Variants in CRADD observed in about 807,000 individuals in gnomAD.
The protein encoded by CRADD is CARD and death domain containing adaptor protein.
A neutral mutation model predicts 15.5 loss-of-function variants in CRADD; 9 were observed. The ratio of observed to expected loss-of-function variants is 0.58; its 90% CI spans 0.35 to 1.01. The LOEUF is 1.01. CRADD is among the 50% of genes least tolerant of loss of function. The pLI, the probability that CRADD is intolerant of heterozygous loss-of-function variation, is 0.02. For synonymous variants in CRADD, 118 were observed against 107.6 expected, an observed-to-expected ratio of 1.10 and a Z score of -0.60; for missense variants, 227 against 250.3, an observed-to-expected ratio of 0.91 and a Z score of 0.63.
At chr12:93,734,934 C>T (rs1329934948) in intron 2 of CRADD, among the ~76,000 whole-genome samples, 1 of 152,180 alleles carries the variant, frequency 6.6e-6, no homozygotes, top group Non-Finnish European at 1.5e-5. Flanking sequence ...AAGGTTAGGT[C>T]CCTGTACCAT....
intron 2 of CRADD, among the ~76,000 whole-genome samples, chr12:93,737,060 T>C (rs1299258426): frequency 6.6e-6 from 1 of 152,194 alleles, no homozygotes; most frequent in African/African-American, 2.4e-5. Flanking sequence ...GAGGAGGCAG[T>C]GATGACTACT....
chr12:93,862,953 T>C (rs943756395), intron 2 of CRADD, among the ~76,000 whole-genome samples: 7 of 152,208 alleles, frequency 4.6e-5, no homozygotes, highest in African/African-American at 1.7e-4. Context: ...GCAAAAAACA[T>C]TGATTTATTC....
intron 2 of CRADD, among the ~76,000 whole-genome samples, chr12:93,817,249 C>G (rs1351842669): frequency 6.6e-6 from 1 of 152,142 alleles, no homozygotes; most frequent in Non-Finnish European, 1.5e-5. Flanking sequence ...AGGTCTCTCC[C>G]CAAGTGGCTC....
intron 2 of CRADD, among the ~76,000 whole-genome samples, chr12:93,779,296 A>G (rs775665357): frequency 6.6e-6 from 1 of 152,202 alleles, no homozygotes; most frequent in Admixed American, 6.5e-5. Flanking sequence ...TATCTAGAAA[A>G]ATTTTTTATT....
chr12:93,769,746 G>A (rs1468406095), intron 2 of CRADD, among the ~76,000 whole-genome samples: 1 of 152,188 alleles, frequency 6.6e-6, no homozygotes, highest in Non-Finnish European at 1.5e-5. Context: ...TGGCTAATGA[G>A]CACATTTTCA....
rs150538944 is a variant in CRADD at position 93,848,721 on chromosome 12, C to A, written c.299-1249C>A. 3.0e-3 allele frequency: 459 copies of A among 151,580 alleles called. 2 individuals are homozygous for A. The highest frequency in any genetic ancestry group is 4.3e-3 in the Non-Finnish European group (290 of 67,972). The allele number at this position is 151,580 out of a possible 1,614,324, so 9.4% of individuals were successfully genotyped here. On this transcript the variant is annotated intron_variant, in intron 2 of 2. Transcript: ENST00000332896. ...CCTCCTCCTAGTGTTCAGGGCTTAGCTTTAGCCTCCTTCCCCTGGAAGGCC... is the reference window on the plus strand; with the variant it reads ...CCTCCTCCTAGTGTTCAGGGCTTAGATTTAGCCTCCTTCCCCTGGAAGGCC...
At chr12:93,717,459 C>T (rs1382265355) in intron 2 of CRADD, among the ~76,000 whole-genome samples, 2 of 152,116 alleles carry the variant, frequency 1.3e-5, no homozygotes, top group East Asian at 1.9e-4. Context: ...CCATAATAAC[C>T]TAGATTTTCT....
At chr12:93,701,878 G>C (rs1955849625) in intron 2 of CRADD, among the ~76,000 whole-genome samples, 1 of 150,752 alleles carries the variant, frequency 6.6e-6, no homozygotes, top group Non-Finnish European at 1.5e-5. Context: ...TCTAATCTCT[G>C]CTTCTCAAAA....
chr12:93,764,971 G>A (rs907200124), intron 2 of CRADD, among the ~76,000 whole-genome samples: 4 of 151,598 alleles, frequency 2.6e-5, no homozygotes, highest in African/African-American at 7.3e-5. Context: ...GAATGAACTC[G>A]AGATAATTAA....
At chr12:93,873,414 T>C (rs1958436279) in intron 2 of CRADD, among the ~76,000 whole-genome samples, 1 of 152,072 alleles carries the variant, frequency 6.6e-6, no homozygotes, top group South Asian at 2.1e-4. Flanking sequence ...CCTCTTGTCT[T>C]ATTGCTGTAG....
At chr12:93,832,322 C>T (rs994818288) in intron 2 of CRADD, among the ~76,000 whole-genome samples, 2 of 152,136 alleles carry the variant, frequency 1.3e-5, no homozygotes, top group African/African-American at 4.8e-5. Flanking sequence ...TGCGTGACAT[C>T]CATACTTTTT....
chr12:93,786,187 C>T (rs1164940308), intron 2 of CRADD, among the ~76,000 whole-genome samples: 2 of 152,112 alleles, frequency 1.3e-5, no homozygotes, highest in Non-Finnish European at 2.9e-5. Context: ...GTTTTAGGCC[C>T]CCTTTGGCTG....
chr12:93,859,188 A>G (rs1160647942), intron 2 of CRADD: 2 of 402,686 alleles, frequency 5.0e-6, no homozygotes, highest in Non-Finnish European at 9.8e-6. Flanking sequence ...CCTGTTTGCT[A>G]TATTTATATT....
chr12:93,774,101 G>C (rs1957117182), intron 2 of CRADD, among the ~76,000 whole-genome samples: 1 of 151,252 alleles, frequency 6.6e-6, no homozygotes. Context: ...CTCCTGAAGT[G>C]CTAGGATTAC....
intron 2 of CRADD, among the ~76,000 whole-genome samples, chr12:93,726,222 G>A (rs2136900738): frequency 6.8e-6 from 1 of 146,986 alleles, no homozygotes; most frequent in Non-Finnish European, 1.5e-5. Context: ...TCCTGTCTCA[G>A]CCTGCCAAGT....
At chr12:93,815,566 A>G (rs922526536) in intron 2 of CRADD, 1 of 152,234 alleles carries the variant, frequency 6.6e-6, no homozygotes, top group Admixed American at 6.5e-5. Context: ...TATATGATCT[A>G]TGGATTTTAT....
At chr12:93,819,552 G>A (rs567942979) in intron 2 of CRADD, among the ~76,000 whole-genome samples, 1 of 152,318 alleles carries the variant, frequency 6.6e-6, no homozygotes, top group Admixed American at 6.5e-5. Flanking sequence ...CTGTGCCTCA[G>A]TTTCCTCATT....
At chr12:93,680,328 A>AT (rs1365242999) in intron 2 of CRADD, among the ~76,000 whole-genome samples, 1 of 152,152 alleles carries the variant, frequency 6.6e-6, no homozygotes, top group Non-Finnish European at 1.5e-5. Flanking sequence ...CGTGGTTGCT[A>AT]TTTTTTAAAT....
intron 2 of CRADD, among the ~76,000 whole-genome samples, chr12:93,847,612 C>T (rs959319570): frequency 1.2e-4 from 16 of 134,744 alleles, no homozygotes; most frequent in Admixed American, 1.1e-3. Flanking sequence ...GTAACAACAG[C>T]AACAACAACA....
Sources: allele counts gnomAD v4.1 joint callset (sites outside exome capture counted in the v4.1 genomes callset), GRCh38; gene constraint gnomAD v4.1.1; transcripts MANE v1.5; gene names NCBI Gene and HGNC (gene_info 2026-07-23, HGNC 2026-07-21).